SDHAF3: variants seen among roughly 807,000 people sequenced by gnomAD.
The protein encoded by SDHAF3 is succinate dehydrogenase assembly factor 3, mitochondrial.
SDHAF3 carries 18 observed loss-of-function variants against 11.5 expected under a neutral mutation model. The ratio of observed to expected loss-of-function variants is 1.56; its 90% CI spans 1.08 to 2.32. SDHAF3 has a LOEUF of 2.32. SDHAF3 is among the 30% of genes most tolerant of loss of function. The probability of loss-of-function intolerance (pLI) is 0.00; values close to 1 mark genes in which losing one functional copy is unlikely to be tolerated. For missense variants in SDHAF3, 200 were observed against 154.4 expected (o/e 1.30, Z -1.57); for synonymous variants, 72 against 59.3 (o/e 1.21, Z -0.99).
At chr7:97,139,980 TA>T (rs1789004091) in intron 1 of SDHAF3, among the ~76,000 whole-genome samples, 1 of 152,218 alleles carries the variant, frequency 6.6e-6, no homozygotes, top group Non-Finnish European at 1.5e-5. Context: ...ATCATTTTAT[TA>T]CCCTTGTCAA....
At chr7:97,126,477 G>C (rs1458189034) in intron 1 of SDHAF3, among the ~76,000 whole-genome samples, 2 of 152,296 alleles carry the variant, frequency 1.3e-5, no homozygotes, top group African/African-American at 4.8e-5. Context: ...GTAAGCCCCT[G>C]ATTGGGGCTG....
chr7:97,137,868 CTTTTTTT>C (rs11381462), intron 1 of SDHAF3, among the ~76,000 whole-genome samples: 4 of 69,098 alleles, frequency 5.8e-5, no homozygotes, highest in East Asian at 4.3e-4. Context: ...ATTCCATTCG[CTTTTTTT>C]TTTTTTTTTT....
intron 1 of SDHAF3, among the ~76,000 whole-genome samples, chr7:97,157,159 C>G (rs1289296133): frequency 6.6e-6 from 1 of 152,182 alleles, no homozygotes; most frequent in African/African-American, 2.4e-5. Context: ...GGGGTACTGA[C>G]ATTTGACTCT....
chr7:97,164,118 T>A (rs1441573679), intron 1 of SDHAF3, among the ~76,000 whole-genome samples: 1 of 151,754 alleles, frequency 6.6e-6, no homozygotes, highest in Non-Finnish European at 1.5e-5. Context: ...CTGTTTTTTT[T>A]ATATTTTAGT....
rs1789643525 is a variant in SDHAF3 at position 97,173,952 on chromosome 7, G to C, written c.175-7060G>C. ...TTTTTTTTTTTAAAGACAGAGTCTTGCTGTGTCACCAGGCTGGAGTGCAGT... is the reference window on the plus strand; with the variant it reads ...TTTTTTTTTTTAAAGACAGAGTCTTCCTGTGTCACCAGGCTGGAGTGCAGT... On this transcript the variant is annotated intron_variant, in intron 1 of 1. Transcript: ENST00000432641. Among the ~76,000 whole-genome samples, 3 of 143,946 alleles carry C rather than the reference G, an allele frequency of 2.1e-5. No homozygotes were observed. The East Asian group carries it at 6.3e-4, about 30-fold the overall frequency. 94.4% of individuals were successfully genotyped at this position (143,946 alleles called of 152,430 possible). A position where few individuals can be genotyped will look rare whatever the true frequency, so the allele number is the denominator to read the frequency against.
chr7:97,144,983 G>C (rs548015854), intron 1 of SDHAF3, among the ~76,000 whole-genome samples: 1 of 151,440 alleles, frequency 6.6e-6, no homozygotes, highest in East Asian at 1.9e-4. Flanking sequence ...TCTCTCAGCA[G>C]TGTTTTGTAG....
Position 97,181,326 on chromosome 7 carries a change from ACT to A in SDHAF3, c.*114_*115del. On this transcript the variant is annotated 3_prime_UTR_variant, in exon 2 of 2. Coordinates refer to ENST00000432641, the MANE Select transcript of SDHAF3 (RefSeq NM_020186.3). ...TGAAAACACCTGTTATTAATGAAAT[ACT>A]CTTTTATTTTGGATATTATGATTGC... 1 of 762,122 alleles carries A rather than the reference ACT, an allele frequency of 1.3e-6. No individual in the cohort carries two copies. The highest frequency in any genetic ancestry group is 2.1e-6 in the Non-Finnish European group (1 of 482,198). The allele number at this position is 762,122 out of a possible 1,614,324, so 47.2% of individuals were successfully genotyped here.
intron 1 of SDHAF3, among the ~76,000 whole-genome samples, chr7:97,158,412 C>T (rs1199291): frequency 0.59 from 89,981 of 151,998 alleles, 26,865 homozygotes; most frequent in Non-Finnish European, 0.64. Flanking sequence ...ATTGCAACCT[C>T]TGTCTCCCGG....
chr7:97,153,819 G>A (rs1319121964), intron 1 of SDHAF3, among the ~76,000 whole-genome samples: 1 of 152,198 alleles, frequency 6.6e-6, no homozygotes, highest in African/African-American at 2.4e-5. Context: ...GAGAGTTTCT[G>A]TAGTGTATCC....
At chr7:97,172,119 A>C (rs1010945950) in intron 1 of SDHAF3, among the ~76,000 whole-genome samples, 7 of 152,132 alleles carry the variant, frequency 4.6e-5, no homozygotes, top group African/African-American at 1.7e-4. Flanking sequence ...TATTCTTCAA[A>C]AGTTTCTGGC....
chr7:97,124,844 T>G (rs1791551067), intron 1 of SDHAF3, among the ~76,000 whole-genome samples: 1 of 152,246 alleles, frequency 6.6e-6, no homozygotes, highest in Admixed American at 6.5e-5. Context: ...GCACATTGAT[T>G]TCATATCCTG....
intron 1 of SDHAF3, among the ~76,000 whole-genome samples, chr7:97,154,902 C>T (rs983677659): frequency 1.3e-5 from 2 of 152,106 alleles, no homozygotes; most frequent in Non-Finnish European, 2.9e-5. Context: ...GACTATTTCT[C>T]CTGCATTTAA....
intron 1 of SDHAF3, among the ~76,000 whole-genome samples, chr7:97,163,168 C>CTTTTT (rs58956333): frequency 1.6e-5 from 2 of 125,030 alleles, no homozygotes; most frequent in Non-Finnish European, 3.2e-5. Flanking sequence ...GTTTAAAGTC[C>CTTTTT]TTTTTTTTTT....
chr7:97,117,718 G>T lies in SDHAF3; in HGVS notation c.-6G>T. On this transcript the variant is annotated 5_prime_UTR_variant, in exon 1 of 2. Transcript: ENST00000432641. ...CAGGCGCAGTCGGCGGTCGGCGTGG[G>T]GCGCTATGCCGGGGCGGCACGTTTC... 1 of 1,609,874 alleles carries T rather than the reference G, an allele frequency of 6.2e-7. No homozygotes were observed. Among genetic ancestry groups the T allele is most frequent in the Non-Finnish European group, 8.5e-7 (1 of 1,177,756 alleles).
chr7:97,141,693 A>G (rs909495562), intron 1 of SDHAF3, among the ~76,000 whole-genome samples: 1 of 152,048 alleles, frequency 6.6e-6, no homozygotes, highest in African/African-American at 2.4e-5. Flanking sequence ...ATGGGGTTTC[A>G]CTGTGTTAGC....
intron 1 of SDHAF3, 35 bp from the exon 2 acceptor site, chr7:97,180,977 T>G: frequency 6.5e-7 from 1 of 1,548,456 alleles, no homozygotes; most frequent in Admixed American, 2.0e-5. Flanking sequence ...TTATTTAAAC[T>G]TTACATCTAT....
chr7:97,139,009 A>G (rs1788980814), intron 1 of SDHAF3, among the ~76,000 whole-genome samples: 1 of 152,184 alleles, frequency 6.6e-6, no homozygotes, highest in African/African-American at 2.4e-5. Context: ...TGCCTGTGCT[A>G]CAGCTCATTC....
At chr7:97,144,828 G>A (rs1011344981) in intron 1 of SDHAF3, among the ~76,000 whole-genome samples, 26 of 152,150 alleles carry the variant, frequency 1.7e-4, no homozygotes, top group Admixed American at 2.6e-4. Context: ...ATTGTTTTTT[G>A]TAATTCTGTG....
At chr7:97,170,238 C>G (rs770207884) in intron 1 of SDHAF3, among the ~76,000 whole-genome samples, 1 of 151,942 alleles carries the variant, frequency 6.6e-6, no homozygotes, top group Non-Finnish European at 1.5e-5. Flanking sequence ...TAACAAAAAT[C>G]TATTACTCCA....
Sources: allele counts gnomAD v4.1 joint callset (sites outside exome capture counted in the v4.1 genomes callset), GRCh38; gene constraint gnomAD v4.1.1; transcripts MANE v1.5; gene names NCBI Gene and HGNC (gene_info 2026-07-23, HGNC 2026-07-21).